CYP39A1: variants seen among roughly 807,000 people sequenced by gnomAD.
The protein encoded by CYP39A1 is cytochrome P450 family 39 subfamily A member 1.
In CYP39A1, 49 loss-of-function variants were observed where a neutral mutation model predicts 58.1. The ratio of observed to expected loss-of-function variants is 0.84; its 90% CI spans 0.67 to 1.07. The LOEUF (loss-of-function observed/expected upper bound fraction) is 1.07, where lower values mean the gene tolerates loss of function less well. CYP39A1 is among the 50% of genes least tolerant of loss of function. The pLI is 0.00. For missense variants in CYP39A1, 531 were observed against 539.4 expected, an observed-to-expected ratio of 0.98 and a Z score of 0.16; for synonymous variants, 209 against 187.6, an observed-to-expected ratio of 1.11 and a Z score of -0.93.
At chr6:46,601,077 C>T (rs1378357613) in intron 7 of CYP39A1, among the ~76,000 whole-genome samples, 1 of 152,172 alleles carries the variant, frequency 6.6e-6, no homozygotes, top group Admixed American at 6.5e-5. Flanking sequence ...CAGTTGATAT[C>T]TGAAGAGAAC....
chr6:46,610,898 A>G (rs1225623671), intron 7 of CYP39A1, among the ~76,000 whole-genome samples: 1 of 152,186 alleles, frequency 6.6e-6, no homozygotes, highest in African/African-American at 2.4e-5. Flanking sequence ...TGATTTCTTT[A>G]TGCAAGAGAA....
chr6:46,575,445 C>T (rs1771800161), intron 10 of CYP39A1, among the ~76,000 whole-genome samples: 1 of 152,210 alleles, frequency 6.6e-6, no homozygotes, highest in Non-Finnish European at 1.5e-5. Context: ...GCAGCCCAGC[C>T]TCAATTGCCC....
chr6:46,609,699 T>C (rs1407701269), intron 7 of CYP39A1, among the ~76,000 whole-genome samples: 1 of 152,148 alleles, frequency 6.6e-6, no homozygotes, highest in Non-Finnish European at 1.5e-5. Flanking sequence ...ACACAAGGCT[T>C]GTGCTATCAT....
Position 46,644,233 on chromosome 6 carries a change from T to C in CYP39A1, c.178-1935A>G, listed in dbSNP as rs1776513066. Among the ~76,000 whole-genome samples, 3 of 152,354 alleles carry C rather than the reference T, an allele frequency of 2.0e-5. 1 individual carries two copies. The South Asian group carries it at 6.2e-4, about 32-fold the overall frequency. On this transcript the variant is annotated intron_variant, in intron 1 of 11. Coordinates refer to ENST00000275016, the MANE Select transcript of CYP39A1 (RefSeq NM_016593.5). ...GTCATATAAACAGAAGCATTTAGTA[T>C]ACAATTTTTGGGGACTGGCTTTTCA...
At chr6:46,587,507 T>C (rs1249370313) in intron 9 of CYP39A1, among the ~76,000 whole-genome samples, 1 of 152,182 alleles carries the variant, frequency 6.6e-6, no homozygotes, top group Non-Finnish European at 1.5e-5. Context: ...AGTAAGACAC[T>C]GACATCCCTG....
chr6:46,636,503 A>G (rs1775999990), intron 4 of CYP39A1, 21 bp from the exon 5 acceptor site: 5 of 1,490,998 alleles, frequency 3.4e-6, no homozygotes, highest in Non-Finnish European at 4.6e-6. Flanking sequence ...AAAAATATAT[A>G]TAGAAATTAA....
intron 7 of CYP39A1, among the ~76,000 whole-genome samples, chr6:46,596,739 G>C (rs1773187521): frequency 6.6e-6 from 1 of 152,054 alleles, no homozygotes; most frequent in African/African-American, 2.4e-5. Context: ...CCTGAAAAAG[G>C]AGGGGGTGGG....
chr6:46,578,081 T>C (rs1243742613), intron 10 of CYP39A1, among the ~76,000 whole-genome samples: 2 of 151,994 alleles, frequency 1.3e-5, no homozygotes, highest in Non-Finnish European at 2.9e-5. Flanking sequence ...AACCACACTC[T>C]CAGACCACAG....
At chr6:46,583,325 C>T in intron 10 of CYP39A1, 1 of 985,356 alleles carries the variant, frequency 1.0e-6, no homozygotes. Context: ...GGAATTAGAA[C>T]CAAGGAAAAT....
At chr6:46,560,871 G>A (rs952353443) in intron 10 of CYP39A1, among the ~76,000 whole-genome samples, 6 of 152,112 alleles carry the variant, frequency 3.9e-5, no homozygotes, top group African/African-American at 1.4e-4. Flanking sequence ...AAAGAAGCAG[G>A]CCAAAAGGTA....
In CYP39A1 at chr6:46,637,881, C is replaced by T. The variant is rs747169406; in HGVS notation, c.586G>A (p.Val196Ile). 3 of 1,612,918 alleles carry T rather than the reference C, an allele frequency of 1.9e-6. No individual in the cohort carries two copies. Among genetic ancestry groups the T allele is most frequent in the East Asian group, 4.5e-5 (2 of 44,818 alleles). Reference protein sequence around the residue: ...KIKEFHQYFQVYDEDFEYGSQ... With the variant: ...KIKEFHQYFQIYDEDFEYGSQ... Reference sequence around the variant, plus strand: ...CCATACTCAAAATCTTCATCATAAACTTGAAAATACTGATGGAACTCCTTG... The same window carrying T: ...CCATACTCAAAATCTTCATCATAAATTTGAAAATACTGATGGAACTCCTTG... The change falls in exon 4 of 12, where the codon GTT becomes ATT. Residue 196 changes from valine to isoleucine, a missense_variant. Coordinates refer to ENST00000275016, the MANE Select transcript of CYP39A1 (RefSeq NM_016593.5).
At chr6:46,612,313 G>A (rs900550147) in intron 7 of CYP39A1, among the ~76,000 whole-genome samples, 2 of 152,186 alleles carry the variant, frequency 1.3e-5, no homozygotes, top group African/African-American at 4.8e-5. Context: ...TCTCACCCTA[G>A]TCATTATGGC....
chr6:46,597,710 C>G (rs1773251420), intron 7 of CYP39A1, among the ~76,000 whole-genome samples: 1 of 152,072 alleles, frequency 6.6e-6, no homozygotes, highest in Admixed American at 6.6e-5. Flanking sequence ...TGTGATGGAA[C>G]AGTGAGAGAT....
In CYP39A1 at chr6:46,596,010, C is replaced by T. The variant is rs1051062568; in HGVS notation, c.1042G>A (p.Val348Met). Residue 348 changes from valine (V) to methionine (M), a missense_variant, in exon 8 of 12, where the codon GTG becomes ATG. Coordinates refer to ENST00000275016, the MANE Select transcript of CYP39A1 (RefSeq NM_016593.5). ...LKAPGVITRK[V>M]VKPVEILNYI... ...ACCAAAATTTCCACAGGCTTCACCA[C>T]TTTTCTAGTAATGACACCAGGAGCT... is the stretch of plus-strand genomic sequence containing the variant. 1 of 1,610,280 alleles carries T rather than the reference C, an allele frequency of 6.2e-7. No homozygotes were observed. Among genetic ancestry groups the T allele is most frequent in the Non-Finnish European group, 8.5e-7 (1 of 1,178,538 alleles).
chr6:46,620,968 A>T (rs1475727524), intron 7 of CYP39A1, among the ~76,000 whole-genome samples: 1 of 152,194 alleles, frequency 6.6e-6, no homozygotes, highest in African/African-American at 2.4e-5. Flanking sequence ...AAAGGGAAGA[A>T]TCTAATTTCC....
At chr6:46,613,294 A>T (rs1043105220) in intron 7 of CYP39A1, among the ~76,000 whole-genome samples, 4 of 152,182 alleles carry the variant, frequency 2.6e-5, no homozygotes, top group African/African-American at 9.7e-5. Flanking sequence ...ATTGCTGCTA[A>T]ATCAAAACAC....
chr6:46,570,499 G>A (rs1482910703), intron 10 of CYP39A1, among the ~76,000 whole-genome samples: 3 of 152,060 alleles, frequency 2.0e-5, no homozygotes, highest in African/African-American at 4.8e-5. Flanking sequence ...TGTGTTTGAT[G>A]CATTCTGTAA....
At chr6:46,646,704 G>A (rs1386240648) in intron 1 of CYP39A1, among the ~76,000 whole-genome samples, 1 of 151,998 alleles carries the variant, frequency 6.6e-6, no homozygotes, top group Non-Finnish European at 1.5e-5. Context: ...ATTCTTTTTG[G>A]GAGGTTATCA....
intron 7 of CYP39A1, among the ~76,000 whole-genome samples, chr6:46,599,313 C>G (rs189309368): frequency 6.6e-6 from 1 of 151,880 alleles, no homozygotes; most frequent in African/African-American, 2.4e-5. Flanking sequence ...AGTGACCAGA[C>G]GGGGGAGGGA....
Sources: allele counts gnomAD v4.1 joint callset (sites outside exome capture counted in the v4.1 genomes callset), GRCh38; gene constraint gnomAD v4.1.1; transcripts MANE v1.5; gene names NCBI Gene and HGNC (gene_info 2026-07-23, HGNC 2026-07-21).